THSD7B: variants seen among roughly 807,000 people sequenced by gnomAD.
THSD7B encodes the protein thrombospondin type 1 domain containing 7B.
In THSD7B, 138 loss-of-function variants were observed where a neutral mutation model predicts 213.6. The ratio of observed to expected loss-of-function variants is 0.65; its 90% CI spans 0.56 to 0.74. THSD7B has a LOEUF of 0.74. Ranked by LOEUF, THSD7B falls within the 30% of genes least tolerant of loss-of-function variation. The pLI is 0.00. For missense variants in THSD7B, 1,931 were observed against 1,991.5 expected (o/e 0.97, Z 0.58); for synonymous variants, 742 against 687.0 (o/e 1.08, Z -1.25).
intron 20 of THSD7B, among the ~76,000 whole-genome samples, chr2:137,628,149 C>T (rs115795884): frequency 0.02 from 2,976 of 152,298 alleles, 43 homozygotes; most frequent in Middle Eastern, 0.071. Flanking sequence ...TTCTCCTCCA[C>T]GTTCCTCTAC....
intron 7 of THSD7B, 73 bp from the exon 8 acceptor site, chr2:137,230,971 C>G: frequency 7.1e-7 from 1 of 1,403,254 alleles, no homozygotes. Context: ...GTACTTTAAA[C>G]TGAAGTAATA....
chr2:136,981,296 A>G (rs1300566953), intron 2 of THSD7B, among the ~76,000 whole-genome samples: 1 of 152,160 alleles, frequency 6.6e-6, no homozygotes, highest in African/African-American at 2.4e-5. Context: ...TTATCCACCC[A>G]GTACAGTGTG....
rs1284002988 is a variant in THSD7B at position 137,411,755 on chromosome 2, C to T, written c.2842C>T (p.Arg948Ter). Residue 948 changes from arginine to a stop codon, truncating the protein, a stop_gained, in exon 14 of 28, where the codon CGA becomes TGA. Coordinates refer to ENST00000409968, the MANE Select transcript of THSD7B (RefSeq NM_001316349.2). LOFTEE classifies it high-confidence loss of function. Reference sequence around the variant, plus strand: ...TCCAGAAGGCAGAAGGGAGCCTCACCGAGGACTGCGGGTACAAGCAGACAG... The same window carrying T: ...TCCAGAAGGCAGAAGGGAGCCTCACTGAGGACTGCGGGTACAAGCAGACAG... Reference protein sequence around the residue: ...ILPEGRREPHRGLRVQADSKE... With the variant: ...ILPEGRREPH 1 of 1,613,896 alleles carries T rather than the reference C, an allele frequency of 6.2e-7. No individual in the cohort carries two copies. The highest frequency in any genetic ancestry group is 8.5e-7 in the Non-Finnish European group (1 of 1,179,884).
Position 136,983,358 on chromosome 2 carries a change from G to GACAC in THSD7B, c.140-73053_140-73050dup, listed in dbSNP as rs778968995. Among the ~76,000 whole-genome samples, 12 of 105,026 alleles carry GACAC rather than the reference G, an allele frequency of 1.1e-4. 1 individual carries two copies. Among genetic ancestry groups the GACAC allele is most frequent in the South Asian group, 6.3e-4 (2 of 3,156 alleles). The allele number at this position is 105,026 out of a possible 152,430, so 68.9% of individuals were successfully genotyped here. A position where few individuals can be genotyped will look rare whatever the true frequency, so the allele number is the denominator to read the frequency against. Reference sequence around the variant, plus strand: ...ACACACACACACACACAGACACACAGACACACACACACGCACACACACTCA... The same window carrying GACAC: ...ACACACACACACACACAGACACACAGACACACACACACACACGCACACACACTCA... On this transcript the variant is annotated intron_variant, in intron 2 of 27. Transcript: ENST00000409968.
intron 12 of THSD7B, among the ~76,000 whole-genome samples, chr2:137,363,934 C>T (rs1387844885): frequency 6.6e-6 from 1 of 151,610 alleles, no homozygotes; most frequent in Non-Finnish European, 1.5e-5. Context: ...AGAGACACAA[C>T]AAAAAAAAGA....
intron 1 of THSD7B, among the ~76,000 whole-genome samples, chr2:136,802,982 G>A (rs1431275155): frequency 6.6e-6 from 1 of 151,804 alleles, no homozygotes; most frequent in African/African-American, 2.4e-5. Context: ...TTTTCAAAGA[G>A]TGAATCTAAG....
chr2:137,341,125 T>G (rs1035884211), intron 12 of THSD7B, among the ~76,000 whole-genome samples: 2 of 151,706 alleles, frequency 1.3e-5, no homozygotes. Flanking sequence ...CTTTTATTTT[T>G]TTGAGAATAG....
chr2:137,297,914 C>T (rs1683506172), intron 12 of THSD7B, among the ~76,000 whole-genome samples: 2 of 152,070 alleles, frequency 1.3e-5, no homozygotes, highest in South Asian at 4.2e-4. Flanking sequence ...TTGGATATGT[C>T]TTTATCAGCA....
At chr2:137,240,209 C>G (rs1681869703) in intron 9 of THSD7B, among the ~76,000 whole-genome samples, 1 of 152,202 alleles carries the variant, frequency 6.6e-6, no homozygotes, top group African/African-American at 2.4e-5. Flanking sequence ...TGTCCATCCT[C>G]TCTCCTCTTT....
chr2:137,231,042 A>G lies in THSD7B; in HGVS notation c.1724-2A>G, dbSNP rs1327133525. 1 of 1,612,478 alleles carries G rather than the reference A, an allele frequency of 6.2e-7. No homozygotes were observed. Among genetic ancestry groups the G allele is most frequent in the South Asian group, 1.1e-5 (1 of 90,986 alleles). On this transcript the variant is annotated splice_acceptor_variant, in intron 7 of 27. Coordinates refer to ENST00000409968, the MANE Select transcript of THSD7B (RefSeq NM_001316349.2). LOFTEE classifies it high-confidence loss of function. ...CAACTGTCTTGATCTTGTTGATTGTAGGAGAAGATGTATCAGGGAGTCTTT... is the reference window on the plus strand; with the variant it reads ...CAACTGTCTTGATCTTGTTGATTGTGGGAGAAGATGTATCAGGGAGTCTTT...
At chr2:137,598,860 T>C (rs921635178) in intron 17 of THSD7B, among the ~76,000 whole-genome samples, 16 of 145,728 alleles carry the variant, frequency 1.1e-4, no homozygotes, top group African/African-American at 4.3e-4. Context: ...TTTTTTCTTT[T>C]ATGTTTCATT....
intron 21 of THSD7B, among the ~76,000 whole-genome samples, chr2:137,650,804 T>C (rs1422543509): frequency 6.6e-6 from 1 of 152,184 alleles, no homozygotes; most frequent in Non-Finnish European, 1.5e-5. Flanking sequence ...GGATATTGAA[T>C]TTTATCAAAT....
At position 137,611,438 on chromosome 2, in the gene THSD7B, G is replaced by A. The variant is rs141963718; in HGVS notation, c.3424-4737G>A. 2.3e-3 allele frequency among the ~76,000 whole-genome samples: 354 copies of A among 152,186 alleles called. 3 individuals are homozygous for A. The highest frequency in any genetic ancestry group is 8.1e-3 in the African/African-American group (338 of 41,544). On this transcript the variant is annotated intron_variant, in intron 17 of 27. Coordinates refer to ENST00000409968, the MANE Select transcript of THSD7B (RefSeq NM_001316349.2). ...TAGGGTTGGAATCTTGGCTCTGCCT[G>A]TAACTGTGTGATCTTGATGAAATTG...
intron 3 of THSD7B, among the ~76,000 whole-genome samples, chr2:137,071,478 T>C (rs1173799755): frequency 6.6e-6 from 1 of 152,200 alleles, no homozygotes; most frequent in African/African-American, 2.4e-5. Context: ...GATGAGTAGA[T>C]TGCAAAAATT....
At chr2:136,917,141 A>T (rs560135021) in intron 2 of THSD7B, among the ~76,000 whole-genome samples, 1 of 152,336 alleles carries the variant, frequency 6.6e-6, no homozygotes, top group South Asian at 2.1e-4. Context: ...GTTACAAATT[A>T]TGAAGTTTTC....
chr2:137,618,995 C>A (rs1252927266), intron 19 of THSD7B, among the ~76,000 whole-genome samples: 1 of 152,160 alleles, frequency 6.6e-6, no homozygotes, highest in East Asian at 1.9e-4. Flanking sequence ...AAATGCATCC[C>A]TACCAAGTTT....
intron 2 of THSD7B, among the ~76,000 whole-genome samples, chr2:136,990,310 T>G (rs1685752680): frequency 6.6e-6 from 1 of 152,332 alleles, no homozygotes; most frequent in Middle Eastern, 3.4e-3. Flanking sequence ...TCCTTTCAGA[T>G]AGATTGGTCT....
Position 137,360,699 on chromosome 2 carries a change from G to A in THSD7B, c.2501-44914G>A, listed in dbSNP as rs903514885. 2.0e-5 allele frequency among the ~76,000 whole-genome samples: 3 copies of A among 152,296 alleles called. No homozygotes were observed. The East Asian group carries it at 5.8e-4, about 29-fold the overall frequency. ...GAGGCTTGAGTACATAAACAAAGTG[G>A]CCTGGAATCTCGAACTGGGTGGAAC... is the stretch of plus-strand genomic sequence containing the variant. On this transcript the variant is annotated intron_variant, in intron 12 of 27. Coordinates refer to ENST00000409968, the MANE Select transcript of THSD7B (RefSeq NM_001316349.2).
chr2:136,817,952 C>A (rs1462508312), intron 1 of THSD7B, among the ~76,000 whole-genome samples: 1 of 150,940 alleles, frequency 6.6e-6, no homozygotes, highest in Non-Finnish European at 1.5e-5. Context: ...GTTGTTGGGA[C>A]TGTAAACTAG....
Sources: gnomAD v4.1 joint callset for allele counts (sites outside exome capture counted in the v4.1 genomes callset) on GRCh38, gnomAD v4.1.1 for gene constraint, MANE v1.5 for transcripts, NCBI Gene and HGNC (gene_info 2026-07-23, HGNC 2026-07-21) for gene names.